The following PRKN variants were observed in gnomAD, a reference collection of about 807,000 sequenced individuals.
PRKN encodes E3 ubiquitin-protein ligase parkin.
In PRKN, 56 loss-of-function variants were observed where a neutral mutation model predicts 59.5. The observed-to-expected ratio is 0.94, with a 90% CI of 0.76 to 1.18. The LOEUF is 1.18. PRKN is among the 50% of genes most tolerant of loss of function. The probability of loss-of-function intolerance (pLI) is 0.00; values close to 1 mark genes in which losing one functional copy is unlikely to be tolerated. For missense variants in PRKN, 657 were observed against 596.4 expected, an observed-to-expected ratio of 1.10 and a Z score of -1.06; for synonymous variants, 250 against 222.1, an observed-to-expected ratio of 1.13 and a Z score of -1.12.
intron 9 of PRKN, among the ~76,000 whole-genome samples, chr6:161,532,166 C>CTATA (rs200674940): frequency 2.4e-3 from 280 of 115,394 alleles, no homozygotes; most frequent in Non-Finnish European, 3.5e-3. Flanking sequence ...CTCTCTCTCT[C>CTATA]TATATATATA....
In PRKN at chr6:162,013,142, G is replaced by A. The variant is rs117126678; in HGVS notation, c.619-39725C>T. ...ATCCTTCTACATGTGGAATTTTACAGAGAGGAAGAGACTTCTAACATTTAT... is the reference window on the plus strand; with the variant it reads ...ATCCTTCTACATGTGGAATTTTACAAAGAGGAAGAGACTTCTAACATTTAT... On this transcript the variant is annotated intron_variant, in intron 5 of 11. Coordinates refer to ENST00000366898, the MANE Select transcript of PRKN (RefSeq NM_004562.3). Among the ~76,000 whole-genome samples the A allele has an allele frequency of 4.1e-3, 619 of 152,198 alleles. 4 individuals are homozygous for A. The highest frequency in any genetic ancestry group is 7.2e-3 in the Non-Finnish European group (493 of 68,008).
intron 1 of PRKN, among the ~76,000 whole-genome samples, chr6:162,448,796 C>A (rs9458557): frequency 0.54 from 81,555 of 150,724 alleles, 22,914 homozygotes; most frequent in East Asian, 0.7. Context: ...CTGGACCTTT[C>A]TTTCTCTTTC....
At chr6:162,293,689 C>A (rs1202024900) in intron 2 of PRKN, among the ~76,000 whole-genome samples, 3 of 148,402 alleles carry the variant, frequency 2.0e-5, no homozygotes, top group Non-Finnish European at 3.0e-5. Context: ...AGCAGGCTGT[C>A]AGGAGGAATG....
chr6:162,222,434 T>C (rs1035491129), intron 3 of PRKN, among the ~76,000 whole-genome samples: 5 of 152,112 alleles, frequency 3.3e-5, no homozygotes, highest in Admixed American at 2.6e-4. Context: ...ATGTGAACTA[T>C]CATGCTGAGA....
chr6:162,308,029 G>C (rs1290366032), intron 2 of PRKN, among the ~76,000 whole-genome samples: 1 of 152,184 alleles, frequency 6.6e-6, no homozygotes, highest in African/African-American at 2.4e-5. Flanking sequence ...GGCCATGCCT[G>C]GCCTATGCAG....
At chr6:161,708,383 C>T (rs770480441) in intron 7 of PRKN, among the ~76,000 whole-genome samples, 1 of 151,244 alleles carries the variant, frequency 6.6e-6, no homozygotes, top group Non-Finnish European at 1.5e-5. Context: ...AATATTACTA[C>T]TCTTTCTCTT....
At position 161,427,174 on chromosome 6, in the gene PRKN, A is replaced by G. The variant is rs150107012; in HGVS notation, c.1084-40297T>C. ...GCTGGGACTACTGATATGCACCACA[A>G]CACTCAGCTAATTGTTTGTATTTTT... On this transcript the variant is annotated intron_variant, in intron 9 of 11. Transcript: ENST00000366898. 2.0e-5 allele frequency among the ~76,000 whole-genome samples: 3 copies of G among 152,234 alleles called. No individual in the cohort carries two copies. In the East Asian group the frequency reaches 5.8e-4, roughly 29 times the overall value.
At chr6:162,455,232 T>G (rs547905384) in intron 1 of PRKN, among the ~76,000 whole-genome samples, 14 of 152,274 alleles carry the variant, frequency 9.2e-5, no homozygotes, top group African/African-American at 3.1e-4. Flanking sequence ...TAACCATCCA[T>G]CTGTCCATCT....
chr6:162,451,450 C>A (rs933529339), intron 1 of PRKN, among the ~76,000 whole-genome samples: 1 of 151,096 alleles, frequency 6.6e-6, no homozygotes, highest in Admixed American at 6.6e-5. Flanking sequence ...AGGAATCAGG[C>A]CGGGCATGGT....
intron 1 of PRKN, among the ~76,000 whole-genome samples, chr6:162,554,461 C>A (rs539503011): frequency 2.6e-5 from 4 of 152,282 alleles, no homozygotes; most frequent in Non-Finnish European, 5.9e-5. Context: ...GAGATCGCCC[C>A]ATTGCATTCC....
At chr6:161,580,867 C>T (rs1224908716) in intron 7 of PRKN, among the ~76,000 whole-genome samples, 1 of 151,982 alleles carries the variant, frequency 6.6e-6, no homozygotes, top group Non-Finnish European at 1.5e-5. Flanking sequence ...TGAAGATTAT[C>T]CTAGGAAAAA....
chr6:161,794,550 C>T (rs538001768), intron 6 of PRKN, among the ~76,000 whole-genome samples: 7 of 152,166 alleles, frequency 4.6e-5, no homozygotes, highest in African/African-American at 7.2e-5. Flanking sequence ...GAACTAGTTT[C>T]GCAGTGCCCA....
intron 7 of PRKN, among the ~76,000 whole-genome samples, chr6:161,704,655 T>A (rs1388431498): frequency 6.6e-6 from 1 of 152,094 alleles, no homozygotes; most frequent in Non-Finnish European, 1.5e-5. Flanking sequence ...CTCATGGTCA[T>A]CTCCCTGAGC....
chr6:162,389,918 G>T (rs1217491558), intron 2 of PRKN, among the ~76,000 whole-genome samples: 2 of 152,154 alleles, frequency 1.3e-5, no homozygotes, highest in East Asian at 3.8e-4. Context: ...ACTGGCATTT[G>T]GCCTTTGCCT....
intron 6 of PRKN, among the ~76,000 whole-genome samples, chr6:161,856,198 A>T (rs28396991): frequency 6.6e-6 from 1 of 151,704 alleles, no homozygotes; most frequent in Non-Finnish European, 1.5e-5. Flanking sequence ...AGTCTCTACT[A>T]AAAATACAAA....
rs1225750724 is a variant in PRKN at position 162,490,843 on chromosome 6, G to C, written c.8-47370C>G. Reference sequence around the variant, plus strand: ...CTCACACTGAGCCCTTCAAAAGGACGGCACGAGGGGCCAGGTGCAGTGGCT... The same window carrying C: ...CTCACACTGAGCCCTTCAAAAGGACCGCACGAGGGGCCAGGTGCAGTGGCT... On this transcript the variant is annotated intron_variant, in intron 1 of 11. Transcript: ENST00000366898. 2.0e-5 allele frequency among the ~76,000 whole-genome samples: 3 copies of C among 152,128 alleles called. No individual in the cohort carries two copies. In the South Asian group the frequency reaches 6.2e-4, roughly 31 times the overall value.
intron 1 of PRKN, among the ~76,000 whole-genome samples, chr6:162,531,719 G>A (rs778783070): frequency 6.6e-5 from 10 of 152,122 alleles, no homozygotes; most frequent in South Asian, 2.1e-4. Flanking sequence ...CTCCTAAACC[G>A]TAATTTCTAA....
chr6:162,689,587 T>A (rs569992162), intron 1 of PRKN, among the ~76,000 whole-genome samples: 115 of 152,358 alleles, frequency 7.5e-4, no homozygotes, highest in African/African-American at 2.4e-3. Context: ...AAATGATGTC[T>A]ACTTTTGGGT....
intron 6 of PRKN, among the ~76,000 whole-genome samples, chr6:161,829,996 C>T (rs888374585): frequency 1.3e-5 from 2 of 152,142 alleles, no homozygotes; most frequent in African/African-American, 2.4e-5. Context: ...CATGTTGGTG[C>T]CCTGCTTCGG....
Sources: gnomAD v4.1 joint callset for allele counts (sites outside exome capture counted in the v4.1 genomes callset) on GRCh38, gnomAD v4.1.1 for gene constraint, MANE v1.5 for transcripts, NCBI Gene and HGNC (gene_info 2026-07-23, HGNC 2026-07-21) for gene names.